The following GBP7 variants were observed in gnomAD, a reference collection of about 807,000 sequenced individuals.
GBP7 encodes guanylate binding protein 7.
GBP7 carries 43 observed loss-of-function variants against 61.3 expected under a neutral mutation model. The ratio of observed to expected loss-of-function variants is 0.70; its 90% confidence interval spans 0.55 to 0.91. GBP7 has a LOEUF of 0.91. Among genes scored for constraint, GBP7 ranks in the 40% least tolerant of loss-of-function variants. GBP7 has a pLI of 0.00. For missense variants in GBP7, 717 were observed against 740.5 expected (o/e 0.97, Z 0.37); for synonymous variants, 267 against 271.0 (o/e 0.99, Z 0.14).
intron 1 of GBP7, among the ~76,000 whole-genome samples, chr1:89,172,669 G>A (rs1019435460): frequency 7.9e-5 from 12 of 151,808 alleles, no homozygotes; most frequent in African/African-American, 1.7e-4. Context: ...GCCAGATTTC[G>A]CCACCTTAAA....
chr1:89,144,144 C>T (rs1682015380), intron 8 of GBP7, among the ~76,000 whole-genome samples: 1 of 152,156 alleles, frequency 6.6e-6, no homozygotes, highest in African/African-American at 2.4e-5. Flanking sequence ...TTTTCCGTTT[C>T]TGCATTAATT....
chr1:89,149,726 A>G (rs1327875521), intron 6 of GBP7, among the ~76,000 whole-genome samples, 154 bp from the exon 7 acceptor site: 2 of 152,032 alleles, frequency 1.3e-5, no homozygotes, highest in African/African-American at 2.4e-5. Context: ...TACTACTACT[A>G]CTTTTTATGG....
chr1:89,151,414 C>G (rs890015424), intron 5 of GBP7, among the ~76,000 whole-genome samples: 2 of 152,112 alleles, frequency 1.3e-5, no homozygotes, highest in African/African-American at 4.8e-5. Flanking sequence ...ATGCTAGAAA[C>G]AAGGACAAGA....
At chr1:89,154,904 A>G (rs1232246312) in intron 3 of GBP7, among the ~76,000 whole-genome samples, 1 of 152,100 alleles carries the variant, frequency 6.6e-6, no homozygotes, top group Admixed American at 6.5e-5. Context: ...CTGCCTCCTC[A>G]AGTGGGTCCC....
chr1:89,140,803 G>A (rs1465818387), intron 9 of GBP7, among the ~76,000 whole-genome samples: 10 of 152,136 alleles, frequency 6.6e-5, no homozygotes, highest in Admixed American at 5.9e-4. Context: ...CAACCTAAAT[G>A]TTCATCAGTG....
intron 8 of GBP7, among the ~76,000 whole-genome samples, chr1:89,147,278 A>G (rs551666651): frequency 6.6e-6 from 1 of 152,156 alleles, no homozygotes; most frequent in Admixed American, 6.5e-5. Context: ...TTTTCCTTTC[A>G]TAGTGTATTT....
intron 2 of GBP7, among the ~76,000 whole-genome samples, chr1:89,167,429 TTTTG>T (rs58177839): frequency 2.0e-5 from 3 of 152,132 alleles, no homozygotes; most frequent in Admixed American, 2.0e-4. Flanking sequence ...CTCTGTGTTT[TTTTG>T]TTTGTTTGTT....
chr1:89,171,577 A>G (rs899099274), intron 2 of GBP7, among the ~76,000 whole-genome samples, 169 bp downstream of exon 2: 2 of 151,432 alleles, frequency 1.3e-5, no homozygotes, highest in African/African-American at 2.4e-5. Flanking sequence ...GAGAAGAGTC[A>G]GTTGACTCCA....
At position 89,171,947 on chromosome 1, in the gene GBP7, T is replaced by C. The variant is rs750221138; in HGVS notation, c.-12A>G. On this transcript the variant is annotated 5_prime_UTR_variant, in exon 2 of 11. Transcript: ENST00000294671. ...ATCTCTGATGCCATGTTCAGGGCGT[T>C]CCTCTGTCTGCAAGGAAAAAATGAA... 1 of 1,604,842 alleles carries C rather than the reference T, an allele frequency of 6.2e-7. No homozygotes were observed. Among genetic ancestry groups the C allele is most frequent in the Admixed American group, 1.7e-5 (1 of 59,396 alleles).
chr1:89,173,627 G>GC (rs1170177134), intron 1 of GBP7, among the ~76,000 whole-genome samples: 2 of 152,088 alleles, frequency 1.3e-5, no homozygotes, highest in African/African-American at 4.8e-5. Context: ...TTCCAAAGTT[G>GC]CTTAGGTTAG....
At chr1:89,173,135 C>T (rs1647650059) in intron 1 of GBP7, among the ~76,000 whole-genome samples, 2 of 152,094 alleles carry the variant, frequency 1.3e-5, no homozygotes, top group African/African-American at 2.4e-5. Flanking sequence ...GAAAAAATAT[C>T]TGTATTTTTC....
rs769769758 is a variant in GBP7, at chr1:89,150,538, C to T, written c.663G>A (p.Arg221=). 6.2e-7 allele frequency: 1 copy of T among 1,613,956 alleles called. No individual in the cohort carries two copies. The highest frequency in any genetic ancestry group is 1.1e-5 in the South Asian group (1 of 91,070). Reference sequence around the variant, plus strand: ...TTGGAAAGAAATGCCTGATCCACTCCCTGGGCTTGTTAGAATTTTGGATTT... The same window carrying T: ...TTGGAAAGAAATGCCTGATCCACTCTCTGGGCTTGTTAGAATTTTGGATTT... ...NPQIQNSNKP[R]EWIRHFFPKQ... The change falls in exon 6 of 11, where the codon AGG becomes AGA. Residue 221 remains arginine (R), a synonymous_variant. Transcript: ENST00000294671.
rs543840065 is a variant in GBP7, at chr1:89,173,334, A to G, written c.-19-1380T>C. 3.9e-5 allele frequency among the ~76,000 whole-genome samples: 6 copies of G among 152,280 alleles called. No homozygotes were observed. The South Asian group carries it at 1.2e-3, about 32-fold the overall frequency. On this transcript the variant is annotated intron_variant, in intron 1 of 10. Coordinates refer to ENST00000294671, the MANE Select transcript of GBP7 (RefSeq NM_207398.3). The stretch of plus-strand genomic sequence containing the variant: ...TATTTATTTTTATCTGTACATTTCT[A>G]TAATAAAGCTTGAGATTCTGTTGAT...
intron 2 of GBP7, 116 bp downstream of exon 2, chr1:89,171,630 G>T: frequency 2.3e-6 from 2 of 862,412 alleles, no homozygotes; most frequent in African/African-American, 1.7e-5. Context: ...TGAATTCAAA[G>T]TTAGCTATCA....
intron 9 of GBP7, among the ~76,000 whole-genome samples, chr1:89,140,906 A>T (rs1178014435): frequency 6.6e-6 from 1 of 152,208 alleles, no homozygotes; most frequent in African/African-American, 2.4e-5. Flanking sequence ...AGCACTGTGG[A>T]TGCAGCTGGA....
intron 3 of GBP7, among the ~76,000 whole-genome samples, chr1:89,163,539 G>T (rs1192667638): frequency 6.7e-6 from 1 of 150,340 alleles, no homozygotes; most frequent in African/African-American, 2.5e-5. Context: ...TGTGTAGATT[G>T]TCTAGTTTAT....
At chr1:89,133,564 G>A (rs74098333) in intron 9 of GBP7, 113 bp from the exon 10 acceptor site, 29,707 of 805,520 alleles carry the variant, frequency 0.037, 1,195 homozygotes, top group African/African-American at 0.17. Flanking sequence ...AGACCAGACC[G>A]TAAAGAAGAC....
intron 2 of GBP7, among the ~76,000 whole-genome samples, chr1:89,168,544 C>T (rs1647504787): frequency 6.6e-6 from 1 of 152,124 alleles, no homozygotes; most frequent in African/African-American, 2.4e-5. Context: ...ATGTATTTTT[C>T]CACCAGCTCT....
At chr1:89,157,741 A>G (rs922359438) in intron 3 of GBP7, among the ~76,000 whole-genome samples, 1 of 152,012 alleles carries the variant, frequency 6.6e-6, no homozygotes, top group African/African-American at 2.4e-5. Context: ...AAAAAAGTCC[A>G]GGACCAGACA....
Sources: gnomAD v4.1 joint callset for allele counts (sites outside exome capture counted in the v4.1 genomes callset) on GRCh38, gnomAD v4.1.1 for gene constraint, MANE v1.5 for transcripts, NCBI Gene and HGNC (gene_info 2026-07-23, HGNC 2026-07-21) for gene names.